The following RERE variants were observed in gnomAD, a reference collection of about 807,000 sequenced individuals.
RERE encodes arginine-glutamic acid dipeptide repeats, also known as arginine-glutamic acid dipeptide repeats protein.
A neutral mutation model predicts 146.1 loss-of-function variants in RERE; 40 were observed. The observed-to-expected ratio is 0.27, with a 90% CI of 0.21 to 0.36. The LOEUF is 0.36. Among genes scored for constraint, RERE ranks in the 10% least tolerant of loss-of-function variants. RERE has a pLI of 1.00. For missense variants in RERE, 1,933 were observed against 2,138.7 expected, an observed-to-expected ratio of 0.90 and a Z score of 1.90; for synonymous variants, 1,003 against 866.0, an observed-to-expected ratio of 1.16 and a Z score of -2.78.
chr1:8,724,891 C>CAAAAAAAA (rs1557504764), intron 1 of RERE, among the ~76,000 whole-genome samples: 3 of 144,574 alleles, frequency 2.1e-5, no homozygotes, highest in Non-Finnish European at 4.5e-5. Flanking sequence ...AAAAAAAAAA[C>CAAAAAAAA]AACTCAACCT....
chr1:8,410,151 C>T (rs1643572443), intron 12 of RERE, among the ~76,000 whole-genome samples: 1 of 152,096 alleles, frequency 6.6e-6, no homozygotes, highest in Admixed American at 6.5e-5. Context: ...ACTAAGTTAA[C>T]ACACATGCAT....
At chr1:8,781,774 A>T (rs1194929991) in intron 1 of RERE, among the ~76,000 whole-genome samples, 6 of 151,744 alleles carry the variant, frequency 4.0e-5, no homozygotes, top group African/African-American at 1.5e-4. Flanking sequence ...CTTACAAAGA[A>T]AACTGAAGAC....
intron 12 of RERE, among the ~76,000 whole-genome samples, chr1:8,410,781 CTATTT>C (rs1168933507): frequency 1.3e-5 from 2 of 152,218 alleles, no homozygotes; most frequent in Non-Finnish European, 2.9e-5. Flanking sequence ...CCTCCCATTA[CTATTT>C]AATATCCACA....
At chr1:8,628,152 G>A (rs1350668812) in intron 2 of RERE, among the ~76,000 whole-genome samples, 1 of 152,116 alleles carries the variant, frequency 6.6e-6, no homozygotes, top group Non-Finnish European at 1.5e-5. Context: ...AATACACAAG[G>A]TTAATAATCT....
At chr1:8,404,150 C>T (rs996539086) in intron 12 of RERE, among the ~76,000 whole-genome samples, 10 of 152,028 alleles carry the variant, frequency 6.6e-5, no homozygotes, top group Non-Finnish European at 1.2e-4. Flanking sequence ...AAAATAGAGG[C>T]CGGGTGCGGT....
intron 7 of RERE, among the ~76,000 whole-genome samples, chr1:8,522,524 T>C (rs980607077): frequency 6.6e-6 from 1 of 152,190 alleles, no homozygotes; most frequent in African/African-American, 2.4e-5. Context: ...AGTCTTCTAA[T>C]TCATAAATTA....
chr1:8,428,785 GAATAAAAATAACAATAACATAAA>G (rs1644052473), intron 11 of RERE, among the ~76,000 whole-genome samples: 1 of 152,130 alleles, frequency 6.6e-6, no homozygotes, highest in Admixed American at 6.6e-5. Context: ...AGCTATATTG[GAATAAAAATAACAATAACATAAA>G]AATAAAAATA....
intron 11 of RERE, chr1:8,465,439 C>A (rs1644582797): frequency 3.2e-6 from 1 of 315,092 alleles, no homozygotes; most frequent in African/African-American, 2.2e-5. Flanking sequence ...ACAGTCCCAG[C>A]TACTTAAGAA....
At chr1:8,470,416 C>CA (rs1328508613) in intron 10 of RERE, among the ~76,000 whole-genome samples, 12 of 152,158 alleles carry the variant, frequency 7.9e-5, no homozygotes, top group Admixed American at 2.0e-4. Flanking sequence ...CGCCCACCAC[C>CA]ACGCCCGGCT....
intron 1 of RERE, among the ~76,000 whole-genome samples, chr1:8,697,156 A>G (rs964071024): frequency 6.6e-6 from 1 of 152,196 alleles, no homozygotes; most frequent in African/African-American, 2.4e-5. Context: ...TGGAAAGAGC[A>G]CAGGCTAAGG....
chr1:8,776,236 T>C (rs1428701251), intron 1 of RERE, among the ~76,000 whole-genome samples: 1 of 152,222 alleles, frequency 6.6e-6, no homozygotes, highest in Non-Finnish European at 1.5e-5. Flanking sequence ...TCACTTTAAA[T>C]AGCTCAGTAA....
chr1:8,716,687 T>C (rs1275491110), intron 1 of RERE, among the ~76,000 whole-genome samples: 2 of 151,950 alleles, frequency 1.3e-5, no homozygotes, highest in African/African-American at 4.8e-5. Flanking sequence ...AAAAATCATA[T>C]GAAATTAAAA....
intron 1 of RERE, among the ~76,000 whole-genome samples, chr1:8,744,392 G>A (rs887219277): frequency 6.6e-6 from 1 of 152,214 alleles, no homozygotes; most frequent in African/African-American, 2.4e-5. Flanking sequence ...TAACCACAGG[G>A]AGAATTCCGT....
rs537430808 is a variant in RERE at position 8,736,342 on chromosome 1, G to A, written c.-144-79901C>T. Among the ~76,000 whole-genome samples, 24 of 152,256 alleles carry A rather than the reference G, an allele frequency of 1.6e-4. 1 individual carries two copies. In the South Asian group the frequency reaches 4.6e-3, roughly 29 times the overall value. ...CTGCCTCAGCCTCTTGAGTAGCTGGGACTACAGGCGCCCGCCACCACGCCT... is the reference window on the plus strand; with the variant it reads ...CTGCCTCAGCCTCTTGAGTAGCTGGAACTACAGGCGCCCGCCACCACGCCT... On this transcript the variant is annotated intron_variant, in intron 1 of 22. Transcript: ENST00000400908.
At chr1:8,804,981 GA>G (rs1302345344) in intron 1 of RERE, among the ~76,000 whole-genome samples, 3 of 144,008 alleles carry the variant, frequency 2.1e-5, no homozygotes, top group Non-Finnish European at 4.6e-5. Flanking sequence ...TTTTTCAAAT[GA>G]TTTTTTTTGT....
intron 10 of RERE, among the ~76,000 whole-genome samples, chr1:8,493,442 GCAAAA>G (rs1401844661): frequency 6.6e-6 from 1 of 152,076 alleles, no homozygotes. Flanking sequence ...CATATCCCTA[GCAAAA>G]CCACTCAAAT....
chr1:8,412,321 C>T (rs564577501), intron 12 of RERE, among the ~76,000 whole-genome samples: 3 of 152,122 alleles, frequency 2.0e-5, no homozygotes, highest in Non-Finnish European at 2.9e-5. Context: ...AGCAAAGACA[C>T]GGGATAAAAA....
chr1:8,611,486 A>G (rs1646792626), intron 4 of RERE, among the ~76,000 whole-genome samples: 2 of 152,106 alleles, frequency 1.3e-5, no homozygotes, highest in South Asian at 2.1e-4. Context: ...CCTGCATGAC[A>G]GGGTGAGACT....
intron 1 of RERE, among the ~76,000 whole-genome samples, chr1:8,815,158 T>C (rs1214977994): frequency 6.6e-6 from 1 of 152,202 alleles, no homozygotes; most frequent in Non-Finnish European, 1.5e-5. Context: ...CCAGGTGGAC[T>C]AGCCTATTCC....
Sources: allele counts gnomAD v4.1 joint callset (sites outside exome capture counted in the v4.1 genomes callset), GRCh38; gene constraint gnomAD v4.1.1; transcripts MANE v1.5; gene names NCBI Gene and HGNC (gene_info 2026-07-23, HGNC 2026-07-21).